Variants in ARNT2 observed in about 807,000 individuals in gnomAD.
ARNT2 encodes ARNT protein 2.
ARNT2 carries 36 observed loss-of-function variants against 91.7 expected under a neutral mutation model. The observed-to-expected ratio is 0.39, with a 90% CI of 0.30 to 0.52. The LOEUF is 0.52. Ranked by LOEUF, ARNT2 falls within the 20% of genes least tolerant of loss-of-function variation. The pLI, the probability that ARNT2 is intolerant of heterozygous loss-of-function variation, is 0.72. For missense variants in ARNT2, 775 were observed against 939.3 expected (o/e 0.83, Z 2.29); for synonymous variants, 365 against 347.1 (o/e 1.05, Z -0.57).
intron 8 of ARNT2, among the ~76,000 whole-genome samples, chr15:80,538,873 T>C (rs1309873035): frequency 6.6e-6 from 1 of 152,076 alleles, no homozygotes; most frequent in Non-Finnish European, 1.5e-5. Context: ...AATAAATGAA[T>C]ATTAAGAATA....
At chr15:80,540,818 G>T (rs1566996707) in intron 8 of ARNT2, among the ~76,000 whole-genome samples, 1 of 152,040 alleles carries the variant, frequency 6.6e-6, no homozygotes, top group Non-Finnish European at 1.5e-5. Context: ...TGCTGCAGAG[G>T]ACATGATTTC....
chr15:80,516,945 CT>C (rs1897445928), intron 8 of ARNT2, among the ~76,000 whole-genome samples: 1 of 149,146 alleles, frequency 6.7e-6, no homozygotes, highest in Non-Finnish European at 1.5e-5. Flanking sequence ...ATTTCTTATA[CT>C]ATTGCTCTCA....
chr15:80,406,664 G>A (rs1895605534), intron 1 of ARNT2, among the ~76,000 whole-genome samples: 1 of 152,170 alleles, frequency 6.6e-6, no homozygotes, highest in Non-Finnish European at 1.5e-5. Flanking sequence ...CTGTGCCTTG[G>A]ACTGCGGGAG....
At chr15:80,578,690 G>A (rs974557426) in intron 15 of ARNT2, among the ~76,000 whole-genome samples, 10 of 151,974 alleles carry the variant, frequency 6.6e-5, no homozygotes, top group African/African-American at 2.4e-4. Context: ...TGGGGCAGCT[G>A]GCAGTGTGGG....
intron 6 of ARNT2, among the ~76,000 whole-genome samples, chr15:80,512,693 A>T (rs1171685225): frequency 6.6e-6 from 1 of 152,226 alleles, no homozygotes; most frequent in Non-Finnish European, 1.5e-5. Flanking sequence ...CATCTAAGCA[A>T]TTCCCTTATG....
At chr15:80,414,521 A>T (rs772917300) in intron 1 of ARNT2, among the ~76,000 whole-genome samples, 2 of 152,218 alleles carry the variant, frequency 1.3e-5, no homozygotes, top group African/African-American at 2.4e-5. Context: ...TAAAAGCAAG[A>T]TGATGCTTTT....
intron 1 of ARNT2, among the ~76,000 whole-genome samples, chr15:80,432,911 C>A (rs1896030684): frequency 6.6e-6 from 1 of 152,120 alleles, no homozygotes; most frequent in African/African-American, 2.4e-5. Context: ...TACCAAATAG[C>A]ATAAAAATAA....
At chr15:80,546,065 A>G (rs1293478640) in intron 8 of ARNT2, among the ~76,000 whole-genome samples, 3 of 152,200 alleles carry the variant, frequency 2.0e-5, no homozygotes, top group Admixed American at 6.5e-5. Flanking sequence ...TGCTGCTTCT[A>G]ATAGAGATTA....
At chr15:80,543,487 T>A (rs1897944453) in intron 8 of ARNT2, among the ~76,000 whole-genome samples, 1 of 152,210 alleles carries the variant, frequency 6.6e-6, no homozygotes, top group African/African-American at 2.4e-5. Flanking sequence ...TATCAAAGAT[T>A]TATACTTTGT....
chr15:80,429,468 G>GCTC (rs1459244931), intron 1 of ARNT2, among the ~76,000 whole-genome samples: 1 of 152,196 alleles, frequency 6.6e-6, no homozygotes, highest in Non-Finnish European at 1.5e-5. Context: ...GGGCATGGAG[G>GCTC]CTCCACCCAC....
chr15:80,408,264 A>G (rs1043926359), intron 1 of ARNT2, among the ~76,000 whole-genome samples: 6 of 152,108 alleles, frequency 3.9e-5, no homozygotes, highest in African/African-American at 1.4e-4. Context: ...GAGATGAGGG[A>G]GAATATTTCT....
intron 8 of ARNT2, among the ~76,000 whole-genome samples, chr15:80,531,619 G>C (rs924953277): frequency 6.6e-6 from 1 of 152,136 alleles, no homozygotes; most frequent in South Asian, 2.1e-4. Flanking sequence ...TCTTTTCTCC[G>C]TTATAACACC....
intron 8 of ARNT2, among the ~76,000 whole-genome samples, chr15:80,526,529 G>A (rs112135782): frequency 0.016 from 2,401 of 152,326 alleles, 23 homozygotes; most frequent in East Asian, 0.063. Flanking sequence ...CATGGAAAAT[G>A]CCAGGTTAAC....
intron 6 of ARNT2, among the ~76,000 whole-genome samples, chr15:80,510,005 T>C (rs1897320104): frequency 6.6e-6 from 1 of 152,122 alleles, no homozygotes; most frequent in Admixed American, 6.6e-5. Flanking sequence ...CTGAATAACA[T>C]TACTAAAAAC....
At chr15:80,456,828 C>G (rs1175498599) in intron 2 of ARNT2, among the ~76,000 whole-genome samples, 2 of 152,000 alleles carry the variant, frequency 1.3e-5, no homozygotes, top group Non-Finnish European at 2.9e-5. Context: ...AATACACACT[C>G]CATTCTGATA....
intron 6 of ARNT2, 67 bp from the exon 7 acceptor site, chr15:80,513,844 G>A: frequency 7.4e-6 from 10 of 1,353,146 alleles, no homozygotes; most frequent in Non-Finnish European, 9.5e-6. Context: ...CTACTTGATG[G>A]CAGCACCATA....
chr15:80,562,120 G>C (rs1353824939), intron 11 of ARNT2, among the ~76,000 whole-genome samples: 1 of 151,290 alleles, frequency 6.6e-6, no homozygotes. Flanking sequence ...CATCACCCAG[G>C]CTGGAGTGCA....
chr15:80,564,738 A>C (rs1013172408), intron 12 of ARNT2, among the ~76,000 whole-genome samples: 6 of 119,850 alleles, frequency 5.0e-5, no homozygotes, highest in African/African-American at 1.9e-4. Flanking sequence ...TATGTCTGTG[A>C]GTACCCAATG....
intron 11 of ARNT2, among the ~76,000 whole-genome samples, chr15:80,562,233 G>A (rs745748384): frequency 6.6e-6 from 1 of 151,980 alleles, no homozygotes; most frequent in Admixed American, 6.6e-5. Flanking sequence ...GGGCCTGGCT[G>A]GTTTTCGTAT....
Sources: gnomAD v4.1 joint callset for allele counts (sites outside exome capture counted in the v4.1 genomes callset) on GRCh38, gnomAD v4.1.1 for gene constraint, MANE v1.5 for transcripts, NCBI Gene and HGNC (gene_info 2026-07-23, HGNC 2026-07-21) for gene names.